Variants in EML6 observed in about 807,000 individuals in gnomAD.
EML6 encodes the protein echinoderm microtubule-associated protein-like 6.
Under a neutral mutation model 240.1 loss-of-function variants are expected in EML6, and 154 were observed. That is an observed-to-expected ratio of 0.64 (90% CI 0.56 to 0.73). EML6 has a LOEUF of 0.73. Among genes scored for constraint, EML6 ranks in the 30% least tolerant of loss-of-function variants. The pLI is 0.00. For missense variants in EML6, 2,964 were observed against 2,474.6 expected (o/e 1.20, Z -4.20); for synonymous variants, 1,148 against 899.0 (o/e 1.28, Z -4.95).
Position 54,903,356 on chromosome 2 carries a change from C to G in EML6, c.3278-15C>G. ...ATAAAATGCTTCGATGTTAACCCCA[C>G]ATTTTTCTTAACAGATACGGGAAAA... On this transcript the variant is annotated splice_polypyrimidine_tract_variant and intron_variant, in intron 23 of 41. Coordinates refer to ENST00000356458, the MANE Select transcript of EML6 (RefSeq NM_001039753.4). 2 of 1,549,962 alleles carry G rather than the reference C, an allele frequency of 1.3e-6. No individual in the cohort carries two copies. Among genetic ancestry groups the G allele is most frequent in the Non-Finnish European group, 1.7e-6 (2 of 1,146,264 alleles).
intron 25 of EML6, among the ~76,000 whole-genome samples, chr2:54,913,378 G>T (rs1313306535): frequency 2.0e-5 from 3 of 151,892 alleles, no homozygotes; most frequent in Non-Finnish European, 4.4e-5. Context: ...CTCCCGAGTA[G>T]CTGGGACTGT....
intron 2 of EML6, among the ~76,000 whole-genome samples, chr2:54,797,057 C>T (rs1255572618): frequency 6.7e-6 from 1 of 149,000 alleles, no homozygotes; most frequent in African/African-American, 2.5e-5. Context: ...CCCAGCTGCT[C>T]AGGAGGCTGA....
At chr2:54,889,670 C>T (rs1558654403) in intron 17 of EML6, among the ~76,000 whole-genome samples, 1 of 151,944 alleles carries the variant, frequency 6.6e-6, no homozygotes, top group South Asian at 2.1e-4. Context: ...TATTTGTAGT[C>T]ATTTTAAAAT....
chr2:54,727,060 A>G (rs1682938890), intron 2 of EML6, among the ~76,000 whole-genome samples: 1 of 152,240 alleles, frequency 6.6e-6, no homozygotes, highest in African/African-American at 2.4e-5. Context: ...TATGACAAGC[A>G]GCCGGGCTAG....
At chr2:54,803,354 C>G (rs917969658) in intron 2 of EML6, among the ~76,000 whole-genome samples, 3 of 152,162 alleles carry the variant, frequency 2.0e-5, no homozygotes, top group South Asian at 4.1e-4. Context: ...CCCTATTTGT[C>G]AGCTAGAGGA....
In EML6 at chr2:54,841,586, CTTTTTT is replaced by C. The variant is rs3038252; in HGVS notation, c.848-2448_848-2443del. Among the ~76,000 whole-genome samples the C allele has an allele frequency of 3.6e-3, 429 of 118,886 alleles. 8 individuals carry two copies. The South Asian group carries it at 0.063, about 18-fold the overall frequency. The allele number at this position is 118,886 out of a possible 152,430, so 78.0% of individuals were successfully genotyped here. ...CCAGCTGGTTTAGTATTTGTCTTGGCTTTTTTTTTTTTTTTTTTCTTTTGAGACAAT... is the reference window on the plus strand; with the variant it reads ...CCAGCTGGTTTAGTATTTGTCTTGGCTTTTTTTTTTTTCTTTTGAGACAAT... On this transcript the variant is annotated intron_variant, in intron 7 of 41. Coordinates refer to ENST00000356458, the MANE Select transcript of EML6 (RefSeq NM_001039753.4).
At chr2:54,793,067 A>G (rs1387204668) in intron 2 of EML6, among the ~76,000 whole-genome samples, 1 of 152,204 alleles carries the variant, frequency 6.6e-6, no homozygotes, top group Non-Finnish European at 1.5e-5. Context: ...CAGGAGTTTG[A>G]GACCAGTCTC....
At chr2:54,920,380 C>A (rs1374168933) in intron 26 of EML6, among the ~76,000 whole-genome samples, 1 of 152,072 alleles carries the variant, frequency 6.6e-6, no homozygotes, top group East Asian at 1.9e-4. Flanking sequence ...CTACTTTGAG[C>A]AATTACATGC....
In EML6 at chr2:54,853,903, G is replaced by C. The variant is rs189717699; in HGVS notation, c.1657+48G>C. ...ATTGCATAAAGATTTACTCTAAACTGTATACAGTACAATTAAGGCTGATCT... is the reference window on the plus strand; with the variant it reads ...ATTGCATAAAGATTTACTCTAAACTCTATACAGTACAATTAAGGCTGATCT... On this transcript the variant is annotated intron_variant, in intron 11 of 41. Coordinates refer to ENST00000356458, the MANE Select transcript of EML6 (RefSeq NM_001039753.4). 30 of 1,268,122 alleles carry C rather than the reference G, an allele frequency of 2.4e-5. No homozygotes were observed. The East Asian group carries it at 6.9e-4, about 29-fold the overall frequency. The allele number at this position is 1,268,122 out of a possible 1,614,324, so 78.6% of individuals were successfully genotyped here.
At chr2:54,730,642 TACTC>T (rs1204260963) in intron 2 of EML6, among the ~76,000 whole-genome samples, 1 of 152,242 alleles carries the variant, frequency 6.6e-6, no homozygotes, top group African/African-American at 2.4e-5. Flanking sequence ...GGATCCCACT[TACTC>T]TGTGCATTGG....
chr2:54,806,612 CAAAAAAAAAAAAAAAAA>C (rs58185994), intron 2 of EML6, among the ~76,000 whole-genome samples: 4 of 52,822 alleles, frequency 7.6e-5, no homozygotes, highest in Admixed American at 6.2e-4. Flanking sequence ...ACTCCGTCTC[CAAAAAAAAAAAAAAAAA>C]AAAAAAAAAA....
chr2:54,913,170 T>G (rs1465778409), intron 25 of EML6, among the ~76,000 whole-genome samples: 1 of 151,566 alleles, frequency 6.6e-6, no homozygotes, highest in African/African-American at 2.4e-5. Context: ...TGATTGGTGA[T>G]AAACATTTTT....
At chr2:54,860,786 A>G (rs1670632836) in intron 12 of EML6, among the ~76,000 whole-genome samples, 1 of 152,220 alleles carries the variant, frequency 6.6e-6, no homozygotes, top group African/African-American at 2.4e-5. Flanking sequence ...AGTGGTGACG[A>G]GAAGGTGCTA....
chr2:54,961,184 G>GTTGTTTTTTTTTTTTTGTTTTTTTTTTTT, intron 35 of EML6, among the ~76,000 whole-genome samples: 4 of 55,416 alleles, frequency 7.2e-5, no homozygotes, highest in Admixed American at 5.4e-4. Flanking sequence ...TCAGGAAGTA[G>GTTGTTTTTTTTTTTTTGTTTTTTTTTTTT]TTTTTTTTTT....
intron 2 of EML6, among the ~76,000 whole-genome samples, chr2:54,797,953 T>G (rs1669910685): frequency 6.6e-6 from 1 of 152,208 alleles, no homozygotes; most frequent in Non-Finnish European, 1.5e-5. Flanking sequence ...TTTTCAAGGT[T>G]TTAGTTTTTT....
chr2:54,950,852 C>T (rs1675939393), intron 30 of EML6, 73 bp downstream of exon 30: 1 of 1,446,108 alleles, frequency 6.9e-7, no homozygotes, highest in African/African-American at 1.4e-5. Flanking sequence ...CTTTAGATGC[C>T]CAAAAGCTTA....
chr2:54,798,831 A>T (rs1361225555), intron 2 of EML6, among the ~76,000 whole-genome samples: 1 of 152,248 alleles, frequency 6.6e-6, no homozygotes, highest in African/African-American at 2.4e-5. Context: ...ATGAATAAAA[A>T]TAAAAATCCT....
intron 7 of EML6, among the ~76,000 whole-genome samples, chr2:54,829,764 G>C (rs1335408427): frequency 2.0e-5 from 3 of 152,200 alleles, no homozygotes; most frequent in African/African-American, 7.2e-5. Flanking sequence ...TTCTAGACAA[G>C]TTGGTTACCA....
chr2:54,861,972 A>T (rs1282881058), intron 12 of EML6, among the ~76,000 whole-genome samples: 2 of 152,128 alleles, frequency 1.3e-5, no homozygotes, highest in Non-Finnish European at 2.9e-5. Flanking sequence ...ATAAGAACAA[A>T]TTGAGAACTT....
Sources: allele counts gnomAD v4.1 joint callset (sites outside exome capture counted in the v4.1 genomes callset), GRCh38; gene constraint gnomAD v4.1.1; transcripts MANE v1.5; gene names NCBI Gene and HGNC (gene_info 2026-07-23, HGNC 2026-07-21).